The following SASH1 variants were observed in gnomAD, a reference collection of about 807,000 sequenced individuals.
The protein encoded by SASH1 is SAM and SH3 domain-containing protein 1.
Under a neutral mutation model 125.2 loss-of-function variants are expected in SASH1, and 44 were observed. The observed-to-expected ratio is 0.35, with a 90% CI of 0.28 to 0.45. The LOEUF (loss-of-function observed/expected upper bound fraction) is 0.45, where lower values mean the gene tolerates loss of function less well. SASH1 is among the 20% of genes least tolerant of loss of function. SASH1 has a pLI of 1.00. For synonymous variants in SASH1, 639 were observed against 649.1 expected, an observed-to-expected ratio of 0.98 and a Z score of 0.24; for missense variants, 1,426 against 1,614.5, an observed-to-expected ratio of 0.88 and a Z score of 2.00.
chr6:148,369,259 A>G (rs1211036156), intron 1 of SASH1, among the ~76,000 whole-genome samples: 1 of 152,208 alleles, frequency 6.6e-6, no homozygotes, highest in African/African-American at 2.4e-5. Context: ...CTGTTTTGGA[A>G]GCTGGGTTTG....
At chr6:148,470,485 G>A (rs1233957833) in intron 5 of SASH1, among the ~76,000 whole-genome samples, 4 of 152,184 alleles carry the variant, frequency 2.6e-5, no homozygotes, top group African/African-American at 4.8e-5. Flanking sequence ...TCAGCACGAT[G>A]GCAGACACCG....
At chr6:148,256,103 T>C in the SASH1 span, among the ~76,000 whole-genome samples, 1 of 152,242 alleles carries the variant, frequency 6.6e-6, no homozygotes, top group African/African-American at 2.4e-5. Flanking sequence ...TTTGTGCCTC[T>C]GCCCTATAGC....
At chr6:148,219,498 C>T in the SASH1 span, among the ~76,000 whole-genome samples, 2 of 152,202 alleles carry the variant, frequency 1.3e-5, no homozygotes, top group South Asian at 2.1e-4. Flanking sequence ...CCTCCAAACT[C>T]GTTTTTCCCT....
At chr6:148,454,186 C>T (rs1015404035) in intron 4 of SASH1, among the ~76,000 whole-genome samples, 3 of 152,166 alleles carry the variant, frequency 2.0e-5, no homozygotes, top group Non-Finnish European at 4.4e-5. Context: ...AGGAGCTCCA[C>T]ACATCACAGG....
intron 4 of SASH1, among the ~76,000 whole-genome samples, chr6:148,444,288 A>G (rs1776685315): frequency 6.6e-6 from 1 of 152,216 alleles, no homozygotes; most frequent in South Asian, 2.1e-4. Flanking sequence ...CACTTCTGTC[A>G]GTAGTATTTA....
chr6:148,220,101 C>T, the SASH1 span, among the ~76,000 whole-genome samples: 6 of 152,100 alleles, frequency 3.9e-5, no homozygotes, highest in East Asian at 1.9e-4. Context: ...TTAGTCTGTT[C>T]GTGCCACTGT....
In SASH1 at chr6:148,387,628, CT is replaced by C. The variant is rs1277318250; in HGVS notation, c.157-2503del. ...TCTTTCTTTCTTTCTTTCTTTCTTT[CT>C]TTCTTTCTTTCTTTCTTTCTTTCTT... On this transcript the variant is annotated intron_variant, in intron 1 of 19. Coordinates refer to ENST00000367467, the MANE Select transcript of SASH1 (RefSeq NM_015278.5). 1.7e-3 allele frequency among the ~76,000 whole-genome samples: 56 copies of C among 33,882 alleles called. 3 individuals are homozygous for C. The highest frequency in any genetic ancestry group is 5.1e-3 in the African/African-American group (50 of 9,838). The allele number at this position is 33,882 out of a possible 152,430, so 22.2% of individuals were successfully genotyped here.
In SASH1 at chr6:148,534,900, C is replaced by T. The variant is rs1562493014; in HGVS notation, c.2094C>T (p.Asp698=). Reference sequence around the variant, plus strand: ...CAGTGGAGCTGTTACAAGAGTATGACAGTAAGTCCCTGTATGCACAGAGGT... The same window carrying T: ...CAGTGGAGCTGTTACAAGAGTATGATAGTAAGTCCCTGTATGCACAGAGGT... ...LTAVELLQEY[D]SNSDQSGSQE... is the part of the protein sequence containing the mutation. The change falls in exon 16 of 20, where the codon GAC becomes GAT. Residue 698 remains aspartate (D), a splice_region_variant and synonymous_variant. Transcript: ENST00000367467. The T allele has an allele frequency of 6.2e-7, 1 of 1,614,060 alleles. No homozygotes were observed. Among genetic ancestry groups the T allele is most frequent in the Non-Finnish European group, 8.5e-7 (1 of 1,179,924 alleles).
intron 1 of SASH1, among the ~76,000 whole-genome samples, chr6:148,318,549 A>G (rs567625219): frequency 5.7e-5 from 7 of 121,900 alleles, no homozygotes; most frequent in African/African-American, 2.1e-4. Context: ...ATATACTACT[A>G]ATTTCTTTTT....
At chr6:148,395,793 G>A (rs1204426620) in intron 2 of SASH1, among the ~76,000 whole-genome samples, 2 of 152,150 alleles carry the variant, frequency 1.3e-5, no homozygotes, top group Non-Finnish European at 2.9e-5. Flanking sequence ...GGCTTTCCAA[G>A]TCCATAATGG....
At chr6:148,299,043 G>C (rs372528738) in intron 1 of SASH1, among the ~76,000 whole-genome samples, 4 of 152,328 alleles carry the variant, frequency 2.6e-5, no homozygotes, top group African/African-American at 9.6e-5. Flanking sequence ...AATTTTGCAA[G>C]CATTTAAAAA....
chr6:148,544,414 T>C lies in SASH1; in HGVS notation c.2944T>C (p.Ser982Pro). 3 of 1,614,124 alleles carry C rather than the reference T, an allele frequency of 1.9e-6. No homozygotes were observed. The African/African-American group carries it at 4.0e-5, about 22-fold the overall frequency. Residue 982 changes from serine to proline, a missense_variant, in exon 18 of 20, where the codon TCA (serine) becomes CCA (proline). Coordinates refer to ENST00000367467, the MANE Select transcript of SASH1 (RefSeq NM_015278.5). This position sits in a 1 kb window ranked among gnomAD's most constrained non-coding sequence, Gnocchi z 6.4. ...GCAGAGAATGCAGCCCAAAATTCCA[T>C]CACAGCCTCCACCTGTTCCTGCCAA... is the stretch of plus-strand genomic sequence containing the variant. ...AEQRMQPKIPSQPPPVPAKKS... is the reference protein window; with the variant it reads ...AEQRMQPKIPPQPPPVPAKKS...
intron 7 of SASH1, among the ~76,000 whole-genome samples, chr6:148,483,960 A>G (rs1778732856): frequency 6.6e-6 from 1 of 152,232 alleles, no homozygotes; most frequent in Admixed American, 6.5e-5. Flanking sequence ...GATTTATCTC[A>G]AAAGAAGCAG....
chr6:148,270,255 C>T (rs563284623), upstream of SASH1, among the ~76,000 whole-genome samples: 3 of 152,296 alleles, frequency 2.0e-5, no homozygotes, highest in South Asian at 2.1e-4. Flanking sequence ...ACTCATAAGC[C>T]GGTGCTCTTT....
rs201145545 is a variant in SASH1, at chr6:148,381,617, CT to C, written c.157-8491del. On this transcript the variant is annotated intron_variant, in intron 1 of 19. Coordinates refer to ENST00000367467, the MANE Select transcript of SASH1 (RefSeq NM_015278.5). ...ACTCCATCAGTGCCTTTCTTGCTTT[CT>C]TTTTTTTTTTTTTTTTTTTTTTTTT... Among the ~76,000 whole-genome samples the C allele has an allele frequency of 7.3e-3, 570 of 77,846 alleles. 2 individuals are homozygous for C. Among genetic ancestry groups the C allele is most frequent in the African/African-American group, 0.019 (368 of 19,060 alleles). 51.1% of individuals were successfully genotyped at this position (77,846 alleles called of 152,430 possible). A position where few individuals can be genotyped will look rare whatever the true frequency, so the allele number is the denominator to read the frequency against.
intron 1 of SASH1, among the ~76,000 whole-genome samples, chr6:148,303,135 C>T (rs1312232151): frequency 6.6e-6 from 1 of 151,946 alleles, no homozygotes; most frequent in Non-Finnish European, 1.5e-5. Context: ...CACACACCAC[C>T]ATGCCAGGCT....
At chr6:148,231,542 A>G in the SASH1 span, among the ~76,000 whole-genome samples, 2 of 152,236 alleles carry the variant, frequency 1.3e-5, no homozygotes, top group Non-Finnish European at 2.9e-5. Flanking sequence ...AGAGGACATT[A>G]GAAGAAAGAT....
the SASH1 span, among the ~76,000 whole-genome samples, chr6:148,227,016 G>A: frequency 1.3e-5 from 2 of 152,170 alleles, no homozygotes; most frequent in African/African-American, 4.8e-5. Context: ...CTTGGAGTCA[G>A]GAGGTGGTCT....
chr6:148,393,220 ATTT>A (rs11368072), intron 2 of SASH1, among the ~76,000 whole-genome samples: 19 of 126,912 alleles, frequency 1.5e-4, no homozygotes, highest in Admixed American at 4.7e-4. Flanking sequence ...CTAATTTTGT[ATTT>A]TTTTTTTTTT....
Sources: allele counts gnomAD v4.1 joint callset (sites outside exome capture counted in the v4.1 genomes callset), GRCh38; gene constraint gnomAD v4.1.1; non-coding constraint Gnocchi (gnomAD v3.1); transcripts MANE v1.5; gene names NCBI Gene and HGNC (gene_info 2026-07-23, HGNC 2026-07-21).